PPP3CA: variants seen among roughly 807,000 people sequenced by gnomAD.
PPP3CA encodes protein phosphatase 3 catalytic subunit alpha.
PPP3CA carries 14 observed loss-of-function variants against 66.5 expected under a neutral mutation model. That is an observed-to-expected ratio of 0.21 (90% CI 0.14 to 0.33). The LOEUF is 0.33. Among genes scored for constraint, PPP3CA ranks in the 10% least tolerant of loss-of-function variants. PPP3CA has a pLI of 1.00. For missense variants in PPP3CA, 317 were observed against 639.5 expected, an observed-to-expected ratio of 0.50 and a Z score of 5.44; for synonymous variants, 232 against 226.2, an observed-to-expected ratio of 1.03 and a Z score of -0.23.
chr4:101,101,481 G>C (rs1422625157), intron 3 of PPP3CA, among the ~76,000 whole-genome samples: 1 of 152,074 alleles, frequency 6.6e-6, no homozygotes, highest in African/African-American at 2.4e-5. Context: ...CAAATTGGTC[G>C]TTAATTTAGG....
intron 6 of PPP3CA, among the ~76,000 whole-genome samples, chr4:101,090,221 C>G (rs1729852378): frequency 6.6e-6 from 1 of 152,132 alleles, no homozygotes; most frequent in Non-Finnish European, 1.5e-5. Flanking sequence ...TTTTTCTCCT[C>G]CTTAGATAAA....
At chr4:101,062,433 C>T (rs574614750) in intron 9 of PPP3CA, among the ~76,000 whole-genome samples, 2 of 152,092 alleles carry the variant, frequency 1.3e-5, no homozygotes, top group East Asian at 1.9e-4. Flanking sequence ...CCTCATAGAA[C>T]ATCATTACTC....
intron 11 of PPP3CA, among the ~76,000 whole-genome samples, chr4:101,039,735 A>G (rs904737133): frequency 2.1e-5 from 3 of 144,332 alleles, no homozygotes; most frequent in African/African-American, 7.6e-5. Flanking sequence ...TGGGGCAAAA[A>G]TTTGGCAAAA....
chr4:101,153,079 AAGAAAGC>A (rs780107810), intron 2 of PPP3CA, among the ~76,000 whole-genome samples: 18 of 152,278 alleles, frequency 1.2e-4, no homozygotes, highest in East Asian at 3.9e-4. Context: ...AAGGCTGGAG[AAGAAAGC>A]AGAAAGCAGA....
chr4:101,262,700 T>G (rs1410412514), intron 1 of PPP3CA, among the ~76,000 whole-genome samples: 1 of 152,176 alleles, frequency 6.6e-6, no homozygotes, highest in Non-Finnish European at 1.5e-5. Flanking sequence ...TTTGTTCTCC[T>G]GGAATATGGC....
chr4:101,066,075 A>G (rs910116409), intron 8 of PPP3CA, among the ~76,000 whole-genome samples: 3 of 152,158 alleles, frequency 2.0e-5, no homozygotes, highest in African/African-American at 7.2e-5. Flanking sequence ...TATTTTGAAA[A>G]TAAGCAAACA....
At chr4:101,059,928 A>G (rs574964730) in intron 10 of PPP3CA, among the ~76,000 whole-genome samples, 63 of 152,252 alleles carry the variant, frequency 4.1e-4, no homozygotes, top group African/African-American at 1.5e-3. Context: ...CACAATGTCA[A>G]TGCTATGTAG....
intron 2 of PPP3CA, among the ~76,000 whole-genome samples, chr4:101,153,632 T>C (rs1409237882): frequency 6.6e-6 from 1 of 152,234 alleles, no homozygotes; most frequent in Non-Finnish European, 1.5e-5. Context: ...TAATTAGGGC[T>C]TCCAATTAGA....
intron 2 of PPP3CA, among the ~76,000 whole-genome samples, chr4:101,126,695 C>T (rs147964465): frequency 6.6e-6 from 1 of 152,052 alleles, no homozygotes; most frequent in African/African-American, 2.4e-5. Context: ...GTAAAGCTCT[C>T]GAGATGAGAC....
chr4:101,041,939 T>A (rs550199377), intron 10 of PPP3CA, among the ~76,000 whole-genome samples: 235 of 152,288 alleles, frequency 1.5e-3, no homozygotes, highest in Non-Finnish European at 2.1e-3. Flanking sequence ...GGGACGGTAG[T>A]CTATAGATGA....
intron 2 of PPP3CA, among the ~76,000 whole-genome samples, chr4:101,122,299 G>C (rs941967517): frequency 5.9e-5 from 9 of 152,166 alleles, no homozygotes; most frequent in Non-Finnish European, 1.3e-4. Context: ...GGAGTGGAAG[G>C]GTTCTTGAGG....
chr4:101,262,640 T>C (rs72681084), intron 1 of PPP3CA, among the ~76,000 whole-genome samples: 1 of 152,218 alleles, frequency 6.6e-6, no homozygotes, highest in Non-Finnish European at 1.5e-5. Context: ...TGAAGTTAGG[T>C]GGACTCTAAA....
chr4:101,224,747 T>C lies in PPP3CA; in HGVS notation c.59-28631A>G, dbSNP rs192493198. ...GGCAGGGGGGATGGTGCAGAAGAAC[T>C]GGCCAATACTATAAATAAGTTTCAT... On this transcript the variant is annotated intron_variant, in intron 1 of 13. Transcript: ENST00000394854. Among the ~76,000 whole-genome samples, 129 of 151,898 alleles carry C rather than the reference T, an allele frequency of 8.5e-4. 1 individual carries two copies. The highest frequency in any genetic ancestry group is 3.0e-3 in the African/African-American group (123 of 41,496).
chr4:101,299,418 C>T (rs1298012580), intron 1 of PPP3CA, among the ~76,000 whole-genome samples: 1 of 144,842 alleles, frequency 6.9e-6, no homozygotes, highest in African/African-American at 2.6e-5. Context: ...GACAGGGTCT[C>T]ACAATGTTGC....
At chr4:101,041,712 G>A (rs1173639248) in intron 10 of PPP3CA, among the ~76,000 whole-genome samples, 1 of 152,112 alleles carries the variant, frequency 6.6e-6, no homozygotes, top group Non-Finnish European at 1.5e-5. Context: ...GGGATTACAA[G>A]TGTGAGCCAC....
chr4:101,124,718 AAAGAAAGAGAAAG>A (rs1722162132), intron 2 of PPP3CA, among the ~76,000 whole-genome samples: 2 of 81,790 alleles, frequency 2.4e-5, no homozygotes, highest in African/African-American at 4.4e-5. Context: ...AGAAAGAAAG[AAAGAAAGAGAAAG>A]AAAGAAAGAA....
At chr4:101,338,045 C>T (rs922060320) in intron 1 of PPP3CA, among the ~76,000 whole-genome samples, 1 of 152,168 alleles carries the variant, frequency 6.6e-6, no homozygotes, top group African/African-American at 2.4e-5. Flanking sequence ...TTTGAATTTG[C>T]ACATTGTGAA....
chr4:101,204,866 A>G (rs1330894486), intron 1 of PPP3CA, among the ~76,000 whole-genome samples: 1 of 151,496 alleles, frequency 6.6e-6, no homozygotes, highest in Non-Finnish European at 1.5e-5. Context: ...ATATAATTGA[A>G]GAATTGTTGT....
intron 1 of PPP3CA, among the ~76,000 whole-genome samples, chr4:101,310,398 T>G (rs1014542313): frequency 2.0e-5 from 3 of 152,072 alleles, no homozygotes; most frequent in Admixed American, 6.6e-5. Context: ...TTATATAAAC[T>G]ACATTTTAAA....
Sources: allele counts gnomAD v4.1 joint callset (sites outside exome capture counted in the v4.1 genomes callset), GRCh38; gene constraint gnomAD v4.1.1; transcripts MANE v1.5; gene names NCBI Gene and HGNC (gene_info 2026-07-23, HGNC 2026-07-21).